The following GAREM1 variants were observed in gnomAD, a reference collection of about 807,000 sequenced individuals.
The protein encoded by GAREM1 is GRB2 associated regulator of MAPK1 subtype 1, also known as GRB2-associated and regulator of MAPK protein 1.
A neutral mutation model predicts 71.3 loss-of-function variants in GAREM1; 26 were observed. That is an observed-to-expected ratio of 0.36 (90% CI 0.27 to 0.51). GAREM1 has a LOEUF of 0.51. Among genes scored for constraint, GAREM1 ranks in the 20% least tolerant of loss-of-function variants. The pLI is 0.95. For missense variants in GAREM1, 1,026 were observed against 1,103.1 expected (o/e 0.93, Z 0.99); for synonymous variants, 440 against 433.2 (o/e 1.02, Z -0.20).
intron 2 of GAREM1, among the ~76,000 whole-genome samples, chr18:32,362,161 T>C (rs1468653322): frequency 6.6e-6 from 1 of 152,190 alleles, no homozygotes; most frequent in Non-Finnish European, 1.5e-5. Context: ...CCAGATGTTC[T>C]AGCTCCAAGG....
chr18:32,469,990 G>A (rs570895577), intron 1 of GAREM1, among the ~76,000 whole-genome samples: 58 of 152,316 alleles, frequency 3.8e-4, no homozygotes, highest in African/African-American at 1.2e-3. Flanking sequence ...TTCCCTGGTT[G>A]AGTAATTCTT....
intron 2 of GAREM1, among the ~76,000 whole-genome samples, chr18:32,348,592 T>C (rs1052563593): frequency 6.6e-6 from 1 of 152,006 alleles, no homozygotes; most frequent in African/African-American, 2.4e-5. Context: ...GGCGTGGTGG[T>C]GCGTGCTTGT....
chr18:32,356,998 C>T (rs989526583), intron 2 of GAREM1, among the ~76,000 whole-genome samples: 2 of 152,154 alleles, frequency 1.3e-5, no homozygotes, highest in Non-Finnish European at 2.9e-5. Flanking sequence ...CCACAGCCTT[C>T]GTAGCACAAT....
intron 4 of GAREM1, among the ~76,000 whole-genome samples, chr18:32,271,765 C>T (rs189230524): frequency 7.2e-5 from 11 of 152,172 alleles, no homozygotes; most frequent in Non-Finnish European, 1.2e-4. Flanking sequence ...CTGATCTGTG[C>T]TGTCCATGGC....
chr18:32,428,412 T>C (rs2048594452), intron 1 of GAREM1, among the ~76,000 whole-genome samples: 1 of 151,806 alleles, frequency 6.6e-6, no homozygotes, highest in South Asian at 2.1e-4. Context: ...ATGGGGGTGG[T>C]TTCTCATGAA....
intron 1 of GAREM1, among the ~76,000 whole-genome samples, chr18:32,411,972 T>G (rs941041410): frequency 2.0e-5 from 3 of 152,108 alleles, no homozygotes; most frequent in Non-Finnish European, 4.4e-5. Flanking sequence ...ATTAAAACGC[T>G]TTGTTGGAAT....
rs1343608823 is a variant in GAREM1 at position 32,424,470 on chromosome 18, A to G, written c.122-31435T>C. Among the ~76,000 whole-genome samples the G allele has an allele frequency of 2.0e-5, 3 of 152,350 alleles. No individual in the cohort carries two copies. In the East Asian group the frequency reaches 5.8e-4, roughly 29 times the overall value. On this transcript the variant is annotated intron_variant, in intron 1 of 5. Coordinates refer to ENST00000269209, the MANE Select transcript of GAREM1 (RefSeq NM_001242409.2). ...ATAAAAGTCAAAGGCAAGTGAAAGGAAAGAATCATGACTATATTCCCGGTT... is the reference window on the plus strand; with the variant it reads ...ATAAAAGTCAAAGGCAAGTGAAAGGGAAGAATCATGACTATATTCCCGGTT...
At chr18:32,412,448 G>A in intron 1 of GAREM1, 2 of 1,589,406 alleles carry the variant, frequency 1.3e-6, no homozygotes, top group African/African-American at 1.3e-5. Flanking sequence ...ATCCATTAGA[G>A]CCATCCCCAC....
chr18:32,353,290 G>A (rs2047771005), intron 2 of GAREM1, among the ~76,000 whole-genome samples: 1 of 152,138 alleles, frequency 6.6e-6, no homozygotes, highest in South Asian at 2.1e-4. Flanking sequence ...TCTGAGCATA[G>A]GGGACACAGT....
intron 2 of GAREM1, among the ~76,000 whole-genome samples, chr18:32,364,154 C>A (rs2047906370): frequency 6.7e-6 from 1 of 148,488 alleles, no homozygotes; most frequent in Non-Finnish European, 1.5e-5. Flanking sequence ...CCTGCCTCAG[C>A]CTCCTCAGTA....
intron 1 of GAREM1, among the ~76,000 whole-genome samples, chr18:32,447,406 G>A (rs905610287): frequency 6.6e-6 from 1 of 151,868 alleles, no homozygotes; most frequent in African/African-American, 2.4e-5. Flanking sequence ...AAAACCATTC[G>A]TCAAATAAAT....
In GAREM1 at chr18:32,268,669, C is replaced by T. The variant is rs765894192; in HGVS notation, c.1833G>A (p.Pro611=). ...VKTDSVDLKS[P]FGSPSAEAVS... ...CAGCTTCAGCAGAAGGACTTCCAAA[C>T]GGGGATTTCAGGTCCACAGAATCAG... Residue 611 remains proline (P), a synonymous_variant, in exon 6 of 6, where the codon CCG becomes CCA. Coordinates refer to ENST00000269209, the MANE Select transcript of GAREM1 (RefSeq NM_001242409.2). 1.8e-5 allele frequency: 29 copies of T among 1,614,052 alleles called. No homozygotes were observed. The highest frequency in any genetic ancestry group is 4.5e-5 in the East Asian group (2 of 44,896).
intron 1 of GAREM1, among the ~76,000 whole-genome samples, chr18:32,411,328 C>G (rs931516240): frequency 1.3e-5 from 2 of 152,244 alleles, no homozygotes; most frequent in African/African-American, 2.4e-5. Context: ...AGCCACAAGT[C>G]AAACGTTAGG....
chr18:32,395,934 T>G (rs1017051721), intron 1 of GAREM1, among the ~76,000 whole-genome samples: 1 of 152,118 alleles, frequency 6.6e-6, no homozygotes, highest in African/African-American at 2.4e-5. Context: ...GACTGACACC[T>G]CACATGGCCG....
chr18:32,299,745 T>C (rs2047181738), intron 3 of GAREM1, among the ~76,000 whole-genome samples: 1 of 152,080 alleles, frequency 6.6e-6, no homozygotes. Flanking sequence ...TACTGATTCC[T>C]AAGACTCCAT....
At chr18:32,364,903 C>A (rs1200452981) in intron 2 of GAREM1, among the ~76,000 whole-genome samples, 1 of 150,202 alleles carries the variant, frequency 6.7e-6, no homozygotes, top group Non-Finnish European at 1.5e-5. Context: ...CACACACACA[C>A]AAATCAAACA....
intron 1 of GAREM1, among the ~76,000 whole-genome samples, chr18:32,416,756 A>G (rs997252240): frequency 4.6e-5 from 7 of 152,200 alleles, no homozygotes; most frequent in African/African-American, 1.7e-4. Context: ...CTAAGACCTC[A>G]ATCTATGAAA....
At chr18:32,319,112 C>T (rs1451730031) in intron 2 of GAREM1, among the ~76,000 whole-genome samples, 1 of 152,196 alleles carries the variant, frequency 6.6e-6, no homozygotes, top group East Asian at 1.9e-4. Flanking sequence ...TCTTCTCTTA[C>T]CTTTTTCAGA....
chr18:32,438,471 C>T (rs1159561820), intron 1 of GAREM1, among the ~76,000 whole-genome samples: 1 of 152,202 alleles, frequency 6.6e-6, no homozygotes, highest in African/African-American at 2.4e-5. Flanking sequence ...ACTGACTGTT[C>T]CCCTTGGGAG....
Sources: allele counts gnomAD v4.1 joint callset (sites outside exome capture counted in the v4.1 genomes callset), GRCh38; gene constraint gnomAD v4.1.1; transcripts MANE v1.5; gene names NCBI Gene and HGNC (gene_info 2026-07-23, HGNC 2026-07-21).